A1BG: variants seen among roughly 807,000 people sequenced by gnomAD.
The protein encoded by A1BG is alpha-1-B glycoprotein.
A1BG carries 44 observed loss-of-function variants against 46.0 expected under a neutral mutation model. The observed-to-expected ratio is 0.96, with a 90% CI of 0.75 to 1.23. The LOEUF (loss-of-function observed/expected upper bound fraction) is 1.23, where lower values mean the gene tolerates loss of function less well. Among genes scored for constraint, A1BG ranks in the 50% most tolerant of loss-of-function variants. The pLI, the probability that A1BG is intolerant of heterozygous loss-of-function variation, is 0.00. For missense variants in A1BG, 707 were observed against 688.8 expected (o/e 1.03, Z -0.30); for synonymous variants, 316 against 314.7 (o/e 1.00, Z -0.04).
chr19:58,351,331 G>C, intron 5 of A1BG, 60 bp downstream of exon 5: 1 of 1,581,586 alleles, frequency 6.3e-7, no homozygotes, highest in Non-Finnish European at 8.6e-7. Context: ...TCTACACCTG[G>C]TACTGCTCCT....
intron 6 of A1BG, chr19:58,349,786 AAG>A (rs1487022301): frequency 6.6e-6 from 1 of 151,918 alleles, no homozygotes; most frequent in Non-Finnish European, 1.5e-5. Flanking sequence ...GAAAGAAGGA[AAG>A]AGAAAGAAAG....
chr19:58,347,609 C>A lies in A1BG; in HGVS notation c.1224G>T (p.Thr408=). The change falls in exon 7 of 8, where the codon ACG becomes ACT. Residue 408 remains threonine (T), a synonymous_variant. Coordinates refer to ENST00000263100, the MANE Select transcript of A1BG (RefSeq NM_130786.4). ...GPPPRPQLRA[T]WSGAVLAGRD... ...GGCCCGCCAGGACCGCCCCACTCCA[C>A]GTCGCCCGGAGCTGAGGCCTGGGAG... 3 of 1,484,362 alleles carry A rather than the reference C, an allele frequency of 2.0e-6. No homozygotes were observed. The highest frequency in any genetic ancestry group is 2.7e-6 in the Non-Finnish European group (3 of 1,122,384). The allele number at this position is 1,484,362 out of a possible 1,614,324, so 91.9% of individuals were successfully genotyped here. A position where few individuals can be genotyped will look rare whatever the true frequency, so the allele number is the denominator to read the frequency against.
rs908295145 is a variant in A1BG at position 58,353,044 on chromosome 19, G to T, written c.224C>A (p.Pro75His). 1 of 1,614,132 alleles carries T rather than the reference G, an allele frequency of 6.2e-7. No homozygotes were observed. The change falls in exon 3 of 8, where the codon CCT (proline) becomes CAT (histidine). Residue 75 changes from proline to histidine, a missense_variant. Physicochemically the swap from Pro to His is moderately conservative, Grantham distance 77. Transcript: ENST00000263100. ...CAGCAGGAACTGGTGCTTGATGGCA[G>T]GTGAGTCAAGGTGCACAGGCTCCTG... ...VAQEPVHLDS[P>H]AIKHQFLLTG...
In A1BG at chr19:58,346,145, G is replaced by C. The variant is rs899704902; in HGVS notation, c.*877C>G. The C allele has an allele frequency of 1.3e-5, 2 of 152,540 alleles. No individual in the cohort carries two copies. The highest frequency in any genetic ancestry group is 4.8e-5 in the African/African-American group (2 of 41,566). The allele number at this position is 152,540 out of a possible 1,614,324, so 9.4% of individuals were successfully genotyped here. ...TTCCCTGAACCTCCTCTTGGTGATG[G>C]GGTTGATGTGGTCGAGGTAGAGGTG... On this transcript the variant is annotated 3_prime_UTR_variant, in exon 8 of 8. Transcript: ENST00000263100.
chr19:58,347,673 C>T, intron 6 of A1BG, 33 bp from the exon 7 acceptor site: 1 of 1,365,026 alleles, frequency 7.3e-7, no homozygotes, highest in Non-Finnish European at 9.4e-7. Flanking sequence ...CGGGCCAGGC[C>T]ACGCCCCAGG....
intron 4 of A1BG, 195 bp from the exon 5 acceptor site, chr19:58,351,882 G>A (rs747086220): frequency 1.4e-6 from 1 of 709,760 alleles, no homozygotes; most frequent in Non-Finnish European, 2.2e-6. Context: ...TGCAAGCTCT[G>A]CCTCCCAGGT....
intron 3 of A1BG, 132 bp from the exon 4 acceptor site, chr19:58,352,687 C>A (rs903887348): frequency 1.5e-6 from 2 of 1,291,442 alleles, no homozygotes; most frequent in Non-Finnish European, 2.1e-6. Flanking sequence ...AAAAGGCAGG[C>A]AGGCACCAGT....
chr19:58,347,510 C>A lies in A1BG; in HGVS notation c.1323G>T (p.Lys441Asn). 6.3e-7 allele frequency: 1 copy of A among 1,587,666 alleles called. No homozygotes were observed. Among genetic ancestry groups the A allele is most frequent in the Non-Finnish European group, 8.6e-7 (1 of 1,166,178 alleles). ...TFELLREGET[K>N]AVKTVRTPGA... Reference sequence around the variant, plus strand: ...CGGGGGTGCGGACCGTCTTCACGGCCTTCGTCTCGCCCTCGCGCAGCAGCT... The same window carrying A: ...CGGGGGTGCGGACCGTCTTCACGGCATTCGTCTCGCCCTCGCGCAGCAGCT... The change falls in exon 7 of 8, where the codon AAG (lysine) becomes AAT (asparagine). Residue 441 changes from lysine (K) to asparagine (N), a missense_variant. Lys to Asn is a moderately conservative substitution (Grantham distance 94). Coordinates refer to ENST00000263100, the MANE Select transcript of A1BG (RefSeq NM_130786.4).
intron 4 of A1BG, 99 bp from the exon 5 acceptor site, chr19:58,351,786 C>A (rs993102315): frequency 1.7e-6 from 2 of 1,177,646 alleles, no homozygotes; most frequent in South Asian, 1.6e-5. Context: ...CCAGGAACAC[C>A]CTTCCATTCT....
At position 58,351,598 on chromosome 19, in the gene A1BG, G is replaced by T. The variant is rs752473132; in HGVS notation, c.703C>A (p.Pro235Thr). 8.7e-6 allele frequency: 14 copies of T among 1,613,774 alleles called. No individual in the cohort carries two copies. The highest frequency in any genetic ancestry group is 8.3e-5 in the Admixed American group (5 of 60,004). ...GNKVTLTCVAPLSGVDFQLRR... is the reference protein window; with the variant it reads ...GNKVTLTCVATLSGVDFQLRR... ...AGCTGGAAGTCCACTCCACTCAGGG[G>T]AGCCACGCAGGTGAGGGTCACCTTG... The change falls in exon 5 of 8, where the codon CCC (proline) becomes ACC (threonine). Residue 235 changes from proline (P) to threonine (T), a missense_variant. By Grantham distance (38) the Pro-to-Thr change is conservative. Coordinates refer to ENST00000263100, the MANE Select transcript of A1BG (RefSeq NM_130786.4).
chr19:58,351,740 C>A, intron 4 of A1BG, 53 bp from the exon 5 acceptor site: 1 of 1,519,994 alleles, frequency 6.6e-7, no homozygotes, highest in Non-Finnish European at 8.9e-7. Context: ...CTGCCCTCTG[C>A]CCAGTCCCCA....
rs1283612569 is a variant in A1BG at position 58,353,460 on chromosome 19, CAGTG to C, written c.-27_-24del. On this transcript the variant is annotated 5_prime_UTR_variant, in exon 1 of 8. Coordinates refer to ENST00000263100, the MANE Select transcript of A1BG (RefSeq NM_130786.4). Reference sequence around the variant, plus strand: ...CATGATGGTCGCGCTCACTCCGGTGCAGTGAGTGTCTGGGGTGAGCGTCTGCAGC... The same window carrying C: ...CATGATGGTCGCGCTCACTCCGGTGCAGTGTCTGGGGTGAGCGTCTGCAGC... The C allele has an allele frequency of 4.4e-6, 7 of 1,600,448 alleles. No individual in the cohort carries two copies. The highest frequency in any genetic ancestry group is 6.0e-6 in the Non-Finnish European group (7 of 1,173,254).
chr19:58,353,414 G>A lies in A1BG; in HGVS notation c.24C>T (p.Leu8=). 3 of 1,612,678 alleles carry A rather than the reference G, an allele frequency of 1.9e-6. No individual in the cohort carries two copies. Among genetic ancestry groups the A allele is most frequent in the Non-Finnish European group, 2.5e-6 (3 of 1,179,476 alleles). The change falls in exon 1 of 8, where the codon CTC becomes CTT. Residue 8 remains leucine (L), a synonymous_variant. Transcript: ENST00000263100. ...CCCAGGAGGCCTCACCCCACAGCAA[G>A]AGAAAGACCACGAGCATGGACATGA... is the stretch of plus-strand genomic sequence containing the variant. MSMLVVF[L]LLWGVTWGPV...
intron 6 of A1BG, 190 bp downstream of exon 6, chr19:58,350,180 A>C: frequency 1.3e-6 from 1 of 743,324 alleles, no homozygotes; most frequent in Non-Finnish European, 2.1e-6. Flanking sequence ...GTCCGTGGGA[A>C]ATAAGCCGAA....
rs1568552291 is a variant in A1BG at position 58,347,677 on chromosome 19, C to CCCCAGTCCGCG, written c.1193-38_1193-37insCGCGGACTGGG. ...GGGCGGGTGGTCGGGCCAGGCCACG[C>CCCCAGTCCGCG]CCCAGGCCACGCCCCAGGCCACACC... On this transcript the variant is annotated intron_variant, in intron 6 of 7. Transcript: ENST00000263100. 1.3e-4 allele frequency: 85 copies of CCCCAGTCCGCG among 671,900 alleles called. No individual in the cohort carries two copies. The African/African-American group carries it at 1.4e-3, about 11-fold the overall frequency. 41.6% of individuals were successfully genotyped at this position (671,900 alleles called of 1,614,324 possible).
Position 58,352,870 on chromosome 19 carries a change from C to T in A1BG, c.340+58G>A. On this transcript the variant is annotated intron_variant, in intron 3 of 7. Transcript: ENST00000263100. ...ATCGGGTGACTTGGAGGAAGGGAGA[C>T]CCCCCAGTCAACAACCTACCCACTG... The T allele has an allele frequency of 2.6e-6, 4 of 1,550,152 alleles. No homozygotes were observed. In the South Asian group the frequency reaches 4.9e-5, roughly 19 times the overall value.
At chr19:58,350,097 G>A (rs1372263680) in intron 6 of A1BG, 2 of 458,842 alleles carry the variant, frequency 4.4e-6, no homozygotes, top group African/African-American at 2.1e-5. Flanking sequence ...GAGCTGCAGG[G>A]ATCTGAACAA....
rs889511505 is a variant in A1BG at position 58,347,659 on chromosome 19, T to C, written c.1193-19A>G. 2.5e-5 allele frequency: 34 copies of C among 1,334,680 alleles called. No homozygotes were observed. The African/African-American group carries it at 4.0e-4, about 16-fold the overall frequency. The allele number at this position is 1,334,680 out of a possible 1,614,324, so 82.7% of individuals were successfully genotyped here. On this transcript the variant is annotated intron_variant, in intron 6 of 7. Transcript: ENST00000263100. ...GGGGGTCCTGGGCGGAGCGGGCGGG[T>C]GGTCGGGCCAGGCCACGCCCCAGGC...
At chr19:58,352,650 G>A in intron 3 of A1BG, 95 bp from the exon 4 acceptor site, 1 of 1,462,836 alleles carries the variant, frequency 6.8e-7, no homozygotes. Context: ...GACTGTGAAG[G>A]AGACAGGGAT....
Sources: allele counts gnomAD v4.1 joint callset, GRCh38; gene constraint gnomAD v4.1.1; transcripts MANE v1.5; gene names NCBI Gene and HGNC (gene_info 2026-07-23, HGNC 2026-07-21).